RARB: variants seen among roughly 807,000 people sequenced by gnomAD.
The protein encoded by RARB is HBV-activated protein.
In RARB, 17 loss-of-function variants were observed where a neutral mutation model predicts 51.9. That is an observed-to-expected ratio of 0.33 (90% CI 0.22 to 0.49). The LOEUF is 0.49. Ranked by LOEUF, RARB falls within the 20% of genes least tolerant of loss-of-function variation. RARB has a pLI of 0.99. For missense variants in RARB, 369 were observed against 550.8 expected (o/e 0.67, Z 3.30); for synonymous variants, 215 against 195.4 (o/e 1.10, Z -0.84).
intron 2 of RARB, among the ~76,000 whole-genome samples, chr3:25,495,157 A>G (rs1696960209): frequency 6.6e-6 from 1 of 152,188 alleles, no homozygotes; most frequent in Non-Finnish European, 1.5e-5. Flanking sequence ...AGTGGAGATT[A>G]TTGTGTGTGA....
chr3:25,124,581 T>C (rs1029927868), intron 3 of RARB, among the ~76,000 whole-genome samples: 1 of 152,200 alleles, frequency 6.6e-6, no homozygotes, highest in Non-Finnish European at 1.5e-5. Flanking sequence ...TGTTACAGAA[T>C]TCTTTTCCCC....
intron 5 of RARB, among the ~76,000 whole-genome samples, chr3:25,300,589 C>A (rs1418992481): frequency 1.3e-5 from 2 of 152,122 alleles, no homozygotes; most frequent in Admixed American, 1.3e-4. Flanking sequence ...CTTTCTGTAA[C>A]AGGATCATAA....
chr3:25,288,072 G>C (rs528007693), intron 5 of RARB, among the ~76,000 whole-genome samples: 1 of 151,988 alleles, frequency 6.6e-6, no homozygotes, highest in African/African-American at 2.4e-5. Flanking sequence ...ACAATTTAAA[G>C]TATCAAGCTT....
chr3:25,408,404 G>T (rs1394841879), intron 5 of RARB, among the ~76,000 whole-genome samples: 1 of 152,036 alleles, frequency 6.6e-6, no homozygotes, highest in Non-Finnish European at 1.5e-5. Flanking sequence ...AAAGAATGAA[G>T]GGAGAAGTGC....
At chr3:25,180,167 CAA>C (rs1213693387) in intron 5 of RARB, among the ~76,000 whole-genome samples, 1 of 152,090 alleles carries the variant, frequency 6.6e-6, no homozygotes. Flanking sequence ...ACTTTACCTT[CAA>C]GTTACTTCTG....
chr3:25,201,137 T>A (rs545178030), intron 5 of RARB, among the ~76,000 whole-genome samples: 2 of 152,112 alleles, frequency 1.3e-5, no homozygotes, highest in African/African-American at 2.4e-5. Flanking sequence ...CCTTGAAGAG[T>A]TCCTTCACAT....
At chr3:25,172,522 A>G (rs1700664656) in intron 4 of RARB, among the ~76,000 whole-genome samples, 1 of 152,212 alleles carries the variant, frequency 6.6e-6, no homozygotes, top group African/African-American at 2.4e-5. Flanking sequence ...GTTTATAAGA[A>G]TCAAACTGAC....
At chr3:25,503,742 C>T (rs1426930926) in intron 3 of RARB, among the ~76,000 whole-genome samples, 1 of 152,122 alleles carries the variant, frequency 6.6e-6, no homozygotes, top group Non-Finnish European at 1.5e-5. Flanking sequence ...AAAGTTGAAA[C>T]AGAAGGAAGC....
At chr3:24,837,868 T>C (rs1465667388) in intron 1 of RARB, among the ~76,000 whole-genome samples, 1 of 152,238 alleles carries the variant, frequency 6.6e-6, no homozygotes, top group African/African-American at 2.4e-5. Context: ...ATTAGTTTTC[T>C]ATCACTGCCT....
chr3:25,187,546 C>T (rs1701006354), intron 5 of RARB, among the ~76,000 whole-genome samples: 1 of 151,654 alleles, frequency 6.6e-6, no homozygotes, highest in Admixed American at 6.6e-5. Flanking sequence ...GTGTTAGAGA[C>T]AGGAGAAAGG....
At chr3:25,526,905 T>C (rs1698674965) in intron 3 of RARB, among the ~76,000 whole-genome samples, 1 of 152,210 alleles carries the variant, frequency 6.6e-6, no homozygotes, top group Non-Finnish European at 1.5e-5. Flanking sequence ...TGCCAATGAA[T>C]GTTCTTGCCA....
At chr3:25,023,790 T>C (rs1697687964) in intron 2 of RARB, among the ~76,000 whole-genome samples, 1 of 152,160 alleles carries the variant, frequency 6.6e-6, no homozygotes, top group African/African-American at 2.4e-5. Flanking sequence ...ATCTAAACAG[T>C]TATTCAAATG....
At chr3:25,269,900 G>A (rs1467543442) in intron 5 of RARB, among the ~76,000 whole-genome samples, 2 of 152,114 alleles carry the variant, frequency 1.3e-5, no homozygotes, top group Non-Finnish European at 2.9e-5. Flanking sequence ...TTAAGCATAC[G>A]AAAAGATGTT....
At chr3:25,244,520 C>T (rs1036525261) in intron 5 of RARB, among the ~76,000 whole-genome samples, 1 of 152,058 alleles carries the variant, frequency 6.6e-6, no homozygotes, top group African/African-American at 2.4e-5. Context: ...TGTCTTTGTT[C>T]TCATTGGTTT....
chr3:25,318,522 C>T lies in RARB; in HGVS notation c.179-142671C>T, dbSNP rs544153847. 3.2e-4 allele frequency among the ~76,000 whole-genome samples: 48 copies of T among 152,124 alleles called. No individual in the cohort carries two copies. In the South Asian group the frequency reaches 6.7e-3, roughly 21 times the overall value. ...AACATATTCAAGAAAATGAATGGCT[C>T]GGCCAGTTCATAATATTCTGCCCCT... On this transcript the variant is annotated intron_variant, in intron 5 of 11. Transcript: ENST00000383772.
intron 5 of RARB, among the ~76,000 whole-genome samples, chr3:25,359,386 G>A (rs548595477): frequency 5.9e-5 from 9 of 151,344 alleles, no homozygotes; most frequent in Admixed American, 2.6e-4. Flanking sequence ...AGTCTGGTTA[G>A]TGGTCTATCT....
chr3:25,140,094 TGTTG>T (rs386659447), intron 4 of RARB, among the ~76,000 whole-genome samples: 4 of 151,642 alleles, frequency 2.6e-5, no homozygotes, highest in African/African-American at 7.3e-5. Context: ...GTTTTTTTTT[TGTTG>T]GTTTGTTTGT....
chr3:24,943,661 C>G (rs1575083742), intron 2 of RARB, among the ~76,000 whole-genome samples: 6 of 152,266 alleles, frequency 3.9e-5, no homozygotes, highest in Middle Eastern at 3.4e-3. Flanking sequence ...ATTTGTCTAA[C>G]TATAAGGACT....
intron 5 of RARB, among the ~76,000 whole-genome samples, chr3:25,203,588 T>C (rs1701452638): frequency 6.6e-6 from 1 of 152,194 alleles, no homozygotes. Flanking sequence ...CCTTTCCATG[T>C]TTAGTGCTTC....
Sources: allele counts gnomAD v4.1 joint callset (sites outside exome capture counted in the v4.1 genomes callset), GRCh38; gene constraint gnomAD v4.1.1; transcripts MANE v1.5; gene names NCBI Gene and HGNC (gene_info 2026-07-23, HGNC 2026-07-21).